The following CRYZL1 variants were observed in gnomAD, a reference collection of about 807,000 sequenced individuals.
CRYZL1 encodes the protein ferry endosomal RAB5 effector complex subunit 4.
A neutral mutation model predicts 50.6 loss-of-function variants in CRYZL1; 34 were observed. The ratio of observed to expected loss-of-function variants is 0.67; its 90% CI spans 0.51 to 0.89. The LOEUF (loss-of-function observed/expected upper bound fraction) is 0.89, where lower values mean the gene tolerates loss of function less well. CRYZL1 is among the 40% of genes least tolerant of loss of function. The pLI, the probability that CRYZL1 is intolerant of heterozygous loss-of-function variation, is 0.00. For synonymous variants in CRYZL1, 125 were observed against 134.3 expected, an observed-to-expected ratio of 0.93 and a Z score of 0.48; for missense variants, 354 against 402.3, an observed-to-expected ratio of 0.88 and a Z score of 1.03.
chr21:33,602,670 T>C (rs1358886414), intron 7 of CRYZL1, among the ~76,000 whole-genome samples: 1 of 152,164 alleles, frequency 6.6e-6, no homozygotes. Flanking sequence ...GTCAATGCGA[T>C]GGTCTAAGCT....
At chr21:33,610,619 A>C (rs1203731952) in intron 6 of CRYZL1, among the ~76,000 whole-genome samples, 1 of 152,118 alleles carries the variant, frequency 6.6e-6, no homozygotes, top group East Asian at 1.9e-4. Flanking sequence ...GTCTTAGCTT[A>C]AACTTTATAG....
At chr21:33,634,992 T>C (rs898949218) in intron 1 of CRYZL1, among the ~76,000 whole-genome samples, 7 of 151,890 alleles carry the variant, frequency 4.6e-5, no homozygotes, top group African/African-American at 1.7e-4. Flanking sequence ...AAAAAAGTAA[T>C]GTTCAGTTGG....
At chr21:33,632,525 G>A (rs1208821179) in intron 1 of CRYZL1, among the ~76,000 whole-genome samples, 1 of 151,556 alleles carries the variant, frequency 6.6e-6, no homozygotes, top group Admixed American at 6.6e-5. Context: ...TTACAGGCAC[G>A]CGCCACCATG....
At chr21:33,605,015 A>T (rs2086796247) in intron 6 of CRYZL1, among the ~76,000 whole-genome samples, 1 of 152,150 alleles carries the variant, frequency 6.6e-6, no homozygotes, top group South Asian at 2.1e-4. Flanking sequence ...TATTTTTACC[A>T]ATTATGTAGG....
intron 1 of CRYZL1, among the ~76,000 whole-genome samples, chr21:33,633,478 A>C (rs886414814): frequency 6.6e-6 from 1 of 151,442 alleles, no homozygotes; most frequent in Non-Finnish European, 1.5e-5. Context: ...TGGAGGGCGC[A>C]GTCTCGGCTC....
chr21:33,615,154 CTT>C (rs10550201), intron 5 of CRYZL1, among the ~76,000 whole-genome samples: 36,071 of 123,502 alleles, frequency 0.29, 4,769 homozygotes, highest in East Asian at 0.48. Context: ...TTCTTTCTCT[CTT>C]TTTTTTTTTT....
chr21:33,590,702 C>T (rs1043777864), intron 12 of CRYZL1, among the ~76,000 whole-genome samples: 3 of 152,250 alleles, frequency 2.0e-5, no homozygotes, highest in Admixed American at 6.5e-5. Context: ...AGGCGTGAGC[C>T]ACCACGCCTG....
chr21:33,608,412 G>A (rs1198268224), intron 6 of CRYZL1, among the ~76,000 whole-genome samples: 1 of 152,132 alleles, frequency 6.6e-6, no homozygotes, highest in Non-Finnish European at 1.5e-5. Flanking sequence ...CCGAGATCAC[G>A]CCATTGCACT....
At chr21:33,628,671 G>A (rs945196554) in intron 2 of CRYZL1, among the ~76,000 whole-genome samples, 8 of 150,344 alleles carry the variant, frequency 5.3e-5, no homozygotes, top group Admixed American at 3.3e-4. Flanking sequence ...TCAAGATCAC[G>A]GCTCACTGCA....
chr21:33,639,541 G>A (rs1031372451), intron 1 of CRYZL1, among the ~76,000 whole-genome samples: 8 of 152,066 alleles, frequency 5.3e-5, no homozygotes, highest in Non-Finnish European at 7.4e-5. Flanking sequence ...GGATCCTCCC[G>A]AAACTCTACC....
intron 6 of CRYZL1, among the ~76,000 whole-genome samples, chr21:33,608,223 G>A (rs1210257972): frequency 6.6e-6 from 1 of 152,204 alleles, no homozygotes; most frequent in Non-Finnish European, 1.5e-5. Context: ...GGGAGGCCGA[G>A]GTGGGCAGGT....
intron 2 of CRYZL1, among the ~76,000 whole-genome samples, chr21:33,630,699 T>TTTACTGCAGC (rs1452217328): frequency 6.6e-6 from 1 of 152,144 alleles, no homozygotes; most frequent in African/African-American, 2.4e-5. Flanking sequence ...TACCTCCATG[T>TTTACTGCAGC]TTACTGCAGC....
chr21:33,606,452 C>T (rs1034590756), intron 6 of CRYZL1, among the ~76,000 whole-genome samples: 1 of 151,082 alleles, frequency 6.6e-6, no homozygotes, highest in African/African-American at 2.4e-5. Flanking sequence ...ATGGTGAAAC[C>T]CCGTCTCTAC....
rs574214116 is a variant in CRYZL1 at position 33,611,194 on chromosome 21, C to T, written c.331+2344G>A. Among the ~76,000 whole-genome samples, 4 of 152,134 alleles carry T rather than the reference C, an allele frequency of 2.6e-5. No homozygotes were observed. The South Asian group carries it at 6.2e-4, about 24-fold the overall frequency. On this transcript the variant is annotated intron_variant, in intron 6 of 12. Coordinates refer to ENST00000381554, the MANE Select transcript of CRYZL1 (RefSeq NM_145858.3). ...TAGGATAGTTTCCTGTAAAGGAGCC[C>T]GTGGCAGTCCTCAAATTTCAAACTG...
At chr21:33,627,482 C>T (rs895793934) in intron 2 of CRYZL1, among the ~76,000 whole-genome samples, 9 of 152,164 alleles carry the variant, frequency 5.9e-5, no homozygotes, top group African/African-American at 1.9e-4. Context: ...TTATGAAATA[C>T]TGATTTACAT....
intron 8 of CRYZL1, among the ~76,000 whole-genome samples, chr21:33,600,933 G>GTTGTTTTTT (rs2086747126): frequency 1.7e-5 from 1 of 59,520 alleles, no homozygotes; most frequent in African/African-American, 6.3e-5. Flanking sequence ...GGTCCATAAA[G>GTTGTTTTTT]TTTTTTTTTT....
intron 1 of CRYZL1, among the ~76,000 whole-genome samples, chr21:33,634,879 CAATATA>C (rs1178193818): frequency 4.7e-3 from 302 of 63,960 alleles, no homozygotes; most frequent in African/African-American, 0.025. Context: ...ACAACAACAA[CAATATA>C]TATATATATA....
intron 4 of CRYZL1, among the ~76,000 whole-genome samples, chr21:33,620,344 G>A (rs537967124): frequency 4.6e-5 from 7 of 152,010 alleles, no homozygotes; most frequent in Non-Finnish European, 7.4e-5. Context: ...CTGATATAAG[G>A]CTTACTGTTC....
Position 33,601,916 on chromosome 21 carries a change from CAA to C in CRYZL1, c.577+316_577+317del, listed in dbSNP as rs540305920. On this transcript the variant is annotated intron_variant, in intron 8 of 12. Transcript: ENST00000381554. ...TGGGTGACACAGTGAGACCCTGTTT[CAA>C]AAAAAAAAAAAAAAGCAAATTGGGA... Among the ~76,000 whole-genome samples, 545 of 59,858 alleles carry C rather than the reference CAA, an allele frequency of 9.1e-3. 4 individuals carry two copies. Among genetic ancestry groups the C allele is most frequent in the African/African-American group, 0.029 (469 of 16,434 alleles). 39.3% of individuals were successfully genotyped at this position (59,858 alleles called of 152,430 possible).
Sources: gnomAD v4.1 joint callset for allele counts (sites outside exome capture counted in the v4.1 genomes callset) on GRCh38, gnomAD v4.1.1 for gene constraint, MANE v1.5 for transcripts, NCBI Gene and HGNC (gene_info 2026-07-23, HGNC 2026-07-21) for gene names.